The following CCL28 variants were observed in gnomAD, a reference collection of about 807,000 sequenced individuals.
CCL28 encodes C-C motif chemokine ligand 28.
Under a neutral mutation model 7.1 loss-of-function variants are expected in CCL28, and 4 were observed. The observed-to-expected ratio is 0.56, with a 90% CI of 0.28 to 1.29. The LOEUF (loss-of-function observed/expected upper bound fraction) is 1.29, where lower values mean the gene tolerates loss of function less well. Among genes scored for constraint, CCL28 ranks in the 50% most tolerant of loss-of-function variants. The pLI is 0.11. For missense variants in CCL28, 151 were observed against 163.4 expected (o/e 0.92, Z 0.41); for synonymous variants, 55 against 57.8 (o/e 0.95, Z 0.22).
At chr5:43,390,072 CAATTAGGCTG>C (rs750044688) in intron 1 of CCL28, among the ~76,000 whole-genome samples, 3 of 152,082 alleles carry the variant, frequency 2.0e-5, no homozygotes, top group Non-Finnish European at 4.4e-5. Context: ...TTTGGTGTGT[CAATTAGGCTG>C]AAAAAGATGA....
At chr5:43,404,443 C>T (rs1167091905) in intron 1 of CCL28, among the ~76,000 whole-genome samples, 1 of 152,194 alleles carries the variant, frequency 6.6e-6, no homozygotes, top group Non-Finnish European at 1.5e-5. Flanking sequence ...AACCCCTTTA[C>T]AGACAAGCAA....
the CCL28 span, among the ~76,000 whole-genome samples, chr5:43,360,737 GTGTC>G: frequency 6.6e-5 from 10 of 152,180 alleles, 1 homozygote; most frequent in East Asian, 1.3e-3. Flanking sequence ...CTTTTGAAAA[GTGTC>G]TGTTCACATC....
At chr5:43,375,302 T>C (rs2111647832), downstream of CCL28, among the ~76,000 whole-genome samples, 1 of 139,456 alleles carries the variant, frequency 7.2e-6, no homozygotes, top group South Asian at 2.3e-4. Context: ...AGTCTTCCTA[T>C]TAAAAGGAGT....
chr5:43,371,609 G>A, the CCL28 span, among the ~76,000 whole-genome samples: 1 of 152,192 alleles, frequency 6.6e-6, no homozygotes, highest in Non-Finnish European at 1.5e-5. Context: ...CATCTGAGAG[G>A]GGAATCCTTC....
At chr5:43,370,890 C>A in the CCL28 span, among the ~76,000 whole-genome samples, 1 of 151,900 alleles carries the variant, frequency 6.6e-6, no homozygotes, top group Non-Finnish European at 1.5e-5. Flanking sequence ...TACAGGCACC[C>A]ACCACCATGA....
At chr5:43,377,863 G>C (rs1739948142), downstream of CCL28, among the ~76,000 whole-genome samples, 2 of 146,854 alleles carry the variant, frequency 1.4e-5, no homozygotes, top group Admixed American at 1.4e-4. Context: ...CTCCCAAGTA[G>C]CTGGGACTAC....
chr5:43,372,993 G>A (rs1039425094), downstream of CCL28, among the ~76,000 whole-genome samples: 2 of 151,438 alleles, frequency 1.3e-5, no homozygotes, highest in Non-Finnish European at 2.9e-5. Flanking sequence ...CAAAGATGGG[G>A]TTTCGCCATG....
At chr5:43,368,201 G>C in the CCL28 span, among the ~76,000 whole-genome samples, 3 of 152,270 alleles carry the variant, frequency 2.0e-5, no homozygotes, top group East Asian at 5.8e-4. Context: ...TAATATTTCT[G>C]GTATGGTAGG....
chr5:43,359,237 G>A, the CCL28 span, among the ~76,000 whole-genome samples: 4 of 152,188 alleles, frequency 2.6e-5, no homozygotes, highest in Admixed American at 2.6e-4. Flanking sequence ...GGGACTCATA[G>A]CCTTCAGAGC....
intron 1 of CCL28, among the ~76,000 whole-genome samples, chr5:43,401,025 G>A (rs1475642339): frequency 6.6e-6 from 1 of 151,440 alleles, no homozygotes; most frequent in Non-Finnish European, 1.5e-5. Context: ...AGAGGTTGCA[G>A]TGAGCAGAGA....
chr5:43,405,110 T>TAACAAAGATATCCAGG (rs1296359855), intron 1 of CCL28, among the ~76,000 whole-genome samples: 1 of 152,060 alleles, frequency 6.6e-6, no homozygotes, highest in Non-Finnish European at 1.5e-5. Context: ...GACAGAAAGT[T>TAACAAAGATATCCAGG]AACAAAGATA....
At chr5:43,386,931 T>C (rs979482890) in intron 2 of CCL28, among the ~76,000 whole-genome samples, 1 of 152,210 alleles carries the variant, frequency 6.6e-6, no homozygotes, top group Non-Finnish European at 1.5e-5. Context: ...CACCACTGCA[T>C]CCCCAGCATA....
chr5:43,366,852 G>A, the CCL28 span, among the ~76,000 whole-genome samples: 2 of 152,244 alleles, frequency 1.3e-5, no homozygotes, highest in Non-Finnish European at 1.5e-5. Flanking sequence ...TGCCAGAGAG[G>A]AGGAGTCTAG....
chr5:43,389,176 A>G (rs1304401906), intron 1 of CCL28, among the ~76,000 whole-genome samples: 3 of 152,210 alleles, frequency 2.0e-5, no homozygotes, highest in Non-Finnish European at 2.9e-5. Flanking sequence ...AACAGGTACA[A>G]GATCTCTTTT....
At position 43,379,597 on chromosome 5, in the gene CCL28, ACCTATGGAGACTCAGTG is replaced by A. The variant is rs2111675980; in HGVS notation, c.*2246_*2262del. Reference sequence around the variant, plus strand: ...AAAGGCCAGTTTTGGTGGCATTTTAACCTATGGAGACTCAGTGCCTCTGTGTGTCCCATTATCACCTC... The same window carrying A: ...AAAGGCCAGTTTTGGTGGCATTTTAACCTCTGTGTGTCCCATTATCACCTC... On this transcript the variant is annotated 3_prime_UTR_variant, in exon 3 of 3. Coordinates refer to ENST00000361115, the MANE Select transcript of CCL28 (RefSeq NM_148672.3). 1 of 152,316 alleles carries A rather than the reference ACCTATGGAGACTCAGTG, an allele frequency of 6.6e-6. No individual in the cohort carries two copies. Among genetic ancestry groups the A allele is most frequent in the Admixed American group, 6.5e-5 (1 of 15,298 alleles). 9.4% of individuals were successfully genotyped at this position (152,316 alleles called of 1,614,324 possible).
rs1421321266 is a variant in CCL28, at chr5:43,380,024, G to A, written c.*1836C>T. The A allele has an allele frequency of 6.6e-6, 1 of 152,186 alleles. No individual in the cohort carries two copies. The highest frequency in any genetic ancestry group is 2.4e-5 in the African/African-American group (1 of 41,418). 9.4% of individuals were successfully genotyped at this position (152,186 alleles called of 1,614,324 possible). On this transcript the variant is annotated 3_prime_UTR_variant, in exon 3 of 3. Transcript: ENST00000361115. ...TAATATCAGTTACTTGGGAGGCTGA[G>A]GCAAGAGAATCACTTGAACGCGGGA...
intron 1 of CCL28, among the ~76,000 whole-genome samples, chr5:43,401,928 TC>T (rs1431775141): frequency 6.6e-6 from 1 of 152,226 alleles, no homozygotes; most frequent in Non-Finnish European, 1.5e-5. Context: ...CCTTCCTGGC[TC>T]CAGGGTTCTC....
At chr5:43,358,685 T>C in the CCL28 span, among the ~76,000 whole-genome samples, 4 of 152,238 alleles carry the variant, frequency 2.6e-5, no homozygotes, top group East Asian at 1.9e-4. Context: ...GCAACTCTTA[T>C]GTCAAGCACT....
chr5:43,358,000 C>T, the CCL28 span, among the ~76,000 whole-genome samples: 2 of 152,192 alleles, frequency 1.3e-5, no homozygotes, highest in African/African-American at 2.4e-5. Context: ...TAATGACCCA[C>T]ATTAACTTGC....
Sources: allele counts gnomAD v4.1 joint callset (sites outside exome capture counted in the v4.1 genomes callset), GRCh38; gene constraint gnomAD v4.1.1; transcripts MANE v1.5; gene names NCBI Gene and HGNC (gene_info 2026-07-23, HGNC 2026-07-21).